The following NCOR2 variants were observed in gnomAD, a reference collection of about 807,000 sequenced individuals.
NCOR2 encodes nuclear receptor corepressor 2, also known as CTG repeat protein 26.
A neutral mutation model predicts 262.9 loss-of-function variants in NCOR2; 81 were observed. The ratio of observed to expected loss-of-function variants is 0.31; its 90% CI spans 0.26 to 0.37. NCOR2 has a LOEUF of 0.37. Ranked by LOEUF, NCOR2 falls within the 10% of genes least tolerant of loss-of-function variation. NCOR2 has a pLI of 1.00. For synonymous variants in NCOR2, 1,659 were observed against 1,559.3 expected, an observed-to-expected ratio of 1.06 and a Z score of -1.51; for missense variants, 3,385 against 3,621.4, an observed-to-expected ratio of 0.93 and a Z score of 1.68.
rs2051603801 is a variant in NCOR2 at position 124,548,364 on chromosome 12, T to A, written c.-164-12753A>T. Among the ~76,000 whole-genome samples the A allele has an allele frequency of 6.6e-6, 1 of 152,132 alleles. No individual in the cohort carries two copies. Among genetic ancestry groups the A allele is most frequent in the Non-Finnish European group, 1.5e-5 (1 of 68,022 alleles). ...TGGAGAGTGTGGGGCCAGAGTCTCA[T>A]GGACCTTCTGATGGGATCCCTCTGG... On this transcript the variant is annotated intron_variant, in intron 1 of 32. Coordinates refer to the NCOR2 transcript ENST00000458234. This position sits in a 1 kb window ranked among gnomAD's most constrained non-coding sequence, Gnocchi z 5.1.
At chr12:124,360,319 T>C (rs1430215869) in intron 22 of NCOR2, among the ~76,000 whole-genome samples, 2 of 152,186 alleles carry the variant, frequency 1.3e-5, no homozygotes. Context: ...CCTGGCGTCA[T>C]CCCCACACCG....
chr12:124,487,953 T>G (rs1487969293), intron 1 of NCOR2, among the ~76,000 whole-genome samples: 3 of 150,160 alleles, frequency 2.0e-5, no homozygotes, highest in Admixed American at 2.0e-4. Context: ...CCAATTCCAA[T>G]AGATTAGTTC....
At chr12:124,368,624 G>A (rs557585858) in intron 20 of NCOR2, among the ~76,000 whole-genome samples, 5 of 152,332 alleles carry the variant, frequency 3.3e-5, no homozygotes, top group African/African-American at 1.2e-4. Context: ...CGCTCATGCG[G>A]CCACAGGGCC....
At chr12:124,393,979 T>A (rs1304973450) in intron 16 of NCOR2, among the ~76,000 whole-genome samples, 1 of 152,266 alleles carries the variant, frequency 6.6e-6, no homozygotes, top group African/African-American at 2.4e-5. Flanking sequence ...TGGAAGTTCC[T>A]CCAGTTGTCA....
intron 9 of NCOR2, 128 bp downstream of exon 11, chr12:124,430,487 G>T (rs1418386677): frequency 1.8e-6 from 2 of 1,132,702 alleles, no homozygotes; most frequent in Non-Finnish European, 2.5e-6. Flanking sequence ...GTCTGGTAGG[G>T]CCCTGGCCAC....
intron 16 of NCOR2, among the ~76,000 whole-genome samples, chr12:124,387,828 G>C: frequency 6.6e-6 from 1 of 152,198 alleles, no homozygotes; most frequent in South Asian, 2.1e-4. Context: ...CCGGGCCAGA[G>C]GGATCACAGA....
chr12:124,441,479 A>G (rs1182516571), intron 7 of NCOR2, among the ~76,000 whole-genome samples: 1 of 152,244 alleles, frequency 6.6e-6, no homozygotes, highest in African/African-American at 2.4e-5. Flanking sequence ...TAGAGTTCCA[A>G]TGAATAAATG....
upstream of NCOR2, among the ~76,000 whole-genome samples, chr12:124,535,775 T>C (rs1321889426): frequency 6.6e-6 from 1 of 152,206 alleles, no homozygotes; most frequent in African/African-American, 2.4e-5. Flanking sequence ...CAGGTACTGC[T>C]ACCTATTTGA....
chr12:124,325,459 G>A lies in NCOR2; in HGVS notation c.7488C>T (p.Asp2496=), dbSNP rs575349014. 3.1e-5 allele frequency: 42 copies of A among 1,352,536 alleles called. No individual in the cohort carries two copies. The Admixed American group carries it at 4.5e-4, about 15-fold the overall frequency. The allele number at this position is 1,352,536 out of a possible 1,614,324, so 83.8% of individuals were successfully genotyped here. ...AGCAGAGCAGTGGCTTGGGCTCCTC[G>A]TCCCAGGCGTGGTGGGGGCCAGCGA... is the stretch of plus-strand genomic sequence containing the variant. Residue 2496 remains aspartate (D), a synonymous_variant, in exon 47 of 47, where the codon GAC becomes GAT. Coordinates refer to ENST00000405201, the Ensembl canonical transcript of NCOR2.
intron 1 of NCOR2, among the ~76,000 whole-genome samples, chr12:124,501,024 G>C (rs2048681110): frequency 6.6e-6 from 1 of 151,114 alleles, no homozygotes; most frequent in Non-Finnish European, 1.5e-5. Context: ...AACCTGCCAG[G>C]CAGAGAGCGC....
intron 22 of NCOR2, among the ~76,000 whole-genome samples, chr12:124,358,075 G>T (rs562111128): frequency 2.3e-5 from 3 of 132,230 alleles, no homozygotes; most frequent in African/African-American, 8.6e-5. Context: ...GTTGAAGGAG[G>T]TAACCTGTGA....
chr12:124,542,888 C>T (rs1479598308), intron 1 of NCOR2: 2 of 152,342 alleles, frequency 1.3e-5, no homozygotes, highest in Non-Finnish European at 2.9e-5. Context: ...GCTCCGCAGC[C>T]CTTCCATTGA....
chr12:124,554,503 C>A (rs1254729829), intron 1 of NCOR2, among the ~76,000 whole-genome samples: 1 of 152,212 alleles, frequency 6.6e-6, no homozygotes, highest in East Asian at 1.9e-4. Flanking sequence ...GCCAGGCGCC[C>A]CCTTCTCAAT....
chr12:124,341,596 C>T (rs2036465575), intron 34 of NCOR2, among the ~76,000 whole-genome samples: 1 of 152,188 alleles, frequency 6.6e-6, no homozygotes, highest in Non-Finnish European at 1.5e-5. Context: ...CAGATGCACG[C>T]ACACCCACTG....
intron 20 of NCOR2, among the ~76,000 whole-genome samples, chr12:124,366,139 C>G (rs921763418): frequency 6.6e-6 from 1 of 152,136 alleles, no homozygotes; most frequent in Non-Finnish European, 1.5e-5. Flanking sequence ...CTGCACGTGC[C>G]CACCACTGCA....
At chr12:124,400,633 T>C in exon 15 of NCOR2, 1 of 1,614,206 alleles carries the variant, frequency 6.2e-7, no homozygotes, top group South Asian at 1.1e-5. Context: ...ACAGCCTCCT[T>C]CTCGTCGTTG....
chr12:124,438,129 T>C (rs2044473637), intron 7 of NCOR2, 133 bp from the exon 10 acceptor site: 3 of 776,492 alleles, frequency 3.9e-6, no homozygotes, highest in Admixed American at 4.4e-5. Flanking sequence ...GACCCACCCG[T>C]GCTGTATCCC....
intron 18 of NCOR2, among the ~76,000 whole-genome samples, chr12:124,375,359 G>A (rs946264821): frequency 1.3e-5 from 2 of 152,210 alleles, no homozygotes; most frequent in African/African-American, 2.4e-5. Context: ...CAGTTATCAA[G>A]GGGGTCTGGG....
chr12:124,344,557 A>G (rs1196103737), intron 32 of NCOR2, 40 bp downstream of exon 34: 1 of 1,408,858 alleles, frequency 7.1e-7, no homozygotes, highest in African/African-American at 1.5e-5. Context: ...TTCTCCAGAC[A>G]GGCGCCCACC....
Sources: allele counts gnomAD v4.1 joint callset (sites outside exome capture counted in the v4.1 genomes callset), GRCh38; gene constraint gnomAD v4.1.1; non-coding constraint Gnocchi (gnomAD v3.1); transcripts MANE v1.5; gene names NCBI Gene and HGNC (gene_info 2026-07-23, HGNC 2026-07-21).